HECW1: variants seen among roughly 807,000 people sequenced by gnomAD.
HECW1 encodes E3 ubiquitin-protein ligase HECW1.
Under a neutral mutation model 182.3 loss-of-function variants are expected in HECW1, and 61 were observed. That is an observed-to-expected ratio of 0.33 (90% CI 0.27 to 0.41). The LOEUF is 0.41. Among genes scored for constraint, HECW1 ranks in the 10% least tolerant of loss-of-function variants. HECW1 has a pLI of 1.00. For synonymous variants in HECW1, 859 were observed against 832.6 expected (o/e 1.03, Z -0.55); for missense variants, 1,739 against 2,108.9 (o/e 0.82, Z 3.44).
At chr7:43,466,921 T>C (rs717486) in intron 15 of HECW1, among the ~76,000 whole-genome samples, 24,808 of 152,272 alleles carry the variant, frequency 0.16, 2,573 homozygotes, top group Non-Finnish European at 0.22. Context: ...TCATTTTCAC[T>C]GATACAATTT....
rs1216179031 is a variant in HECW1, at chr7:43,407,647, C to T, written c.717C>T (p.Ser239=). 3 of 1,613,498 alleles carry T rather than the reference C, an allele frequency of 1.9e-6. No homozygotes were observed. Among genetic ancestry groups the T allele is most frequent in the Non-Finnish European group, 2.5e-6 (3 of 1,179,556 alleles). ...LKISIQPGKH[S]IFPALPHHGQ... is the part of the protein sequence containing the mutation. ...TTTCCATTCAGCCTGGGAAACACAG[C>T]ATCTTCCCCGCCCTCCCTCACCATG... is the stretch of plus-strand genomic sequence containing the variant. The change falls in exon 8 of 30, where the codon AGC becomes AGT. Residue 239 remains serine (S), a synonymous_variant. Coordinates refer to ENST00000395891, the MANE Select transcript of HECW1 (RefSeq NM_015052.5).
At chr7:43,544,937 G>A (rs2081498701) in intron 26 of HECW1, among the ~76,000 whole-genome samples, 1 of 152,222 alleles carries the variant, frequency 6.6e-6, no homozygotes, top group African/African-American at 2.4e-5. Flanking sequence ...GTGAAGAACA[G>A]TGTGTAAAAC....
At chr7:43,139,060 G>A (rs936530117) in intron 2 of HECW1, among the ~76,000 whole-genome samples, 2 of 152,058 alleles carry the variant, frequency 1.3e-5, no homozygotes, top group African/African-American at 4.8e-5. Context: ...CACATCCTTC[G>A]TGCCATTTTA....
chr7:43,533,622 G>A (rs2152949006), intron 24 of HECW1, among the ~76,000 whole-genome samples: 1 of 152,188 alleles, frequency 6.6e-6, no homozygotes, highest in South Asian at 2.1e-4. Flanking sequence ...ATGCCATAGT[G>A]GTTAGAAGAG....
At chr7:43,341,431 T>A (rs1319819923) in intron 5 of HECW1, among the ~76,000 whole-genome samples, 1 of 151,846 alleles carries the variant, frequency 6.6e-6, no homozygotes, top group Non-Finnish European at 1.5e-5. Flanking sequence ...ACATGGGATT[T>A]ATTCTTCTAA....
intron 2 of HECW1, among the ~76,000 whole-genome samples, chr7:43,191,667 G>T (rs1451416484): frequency 6.6e-6 from 1 of 152,086 alleles, no homozygotes; most frequent in Non-Finnish European, 1.5e-5. Flanking sequence ...TCATTCTCGG[G>T]ACTTAACACA....
chr7:43,130,704 G>C (rs907980079), intron 2 of HECW1, among the ~76,000 whole-genome samples: 3 of 152,186 alleles, frequency 2.0e-5, no homozygotes, highest in African/African-American at 7.2e-5. Context: ...AACATCAGCA[G>C]GCTGGATCAA....
At chr7:43,401,148 A>G (rs2075391674) in intron 7 of HECW1, among the ~76,000 whole-genome samples, 1 of 152,212 alleles carries the variant, frequency 6.6e-6, no homozygotes, top group Non-Finnish European at 1.5e-5. Flanking sequence ...TTAGGATGTG[A>G]ACATCTTTGT....
At chr7:43,188,707 T>C (rs1793630719) in intron 2 of HECW1, among the ~76,000 whole-genome samples, 1 of 152,202 alleles carries the variant, frequency 6.6e-6, no homozygotes, top group Non-Finnish European at 1.5e-5. Flanking sequence ...TGACACATGT[T>C]ACTTTGGGTC....
intron 6 of HECW1, among the ~76,000 whole-genome samples, chr7:43,374,536 A>G (rs2074245041): frequency 8.5e-6 from 1 of 117,872 alleles, no homozygotes; most frequent in African/African-American, 4.4e-5. Flanking sequence ...GCACTTTGGG[A>G]GGCCGAGGCG....
In HECW1 at chr7:43,371,487, A is replaced by T. The variant is rs557477375; in HGVS notation, c.555+10507A>T. ...AAATAAATGAAAGGCTATTTTTTTA[A>T]ATGCTCCAATCAGAAAGCAAAAATT... On this transcript the variant is annotated intron_variant, in intron 6 of 29. Transcript: ENST00000395891. Among the ~76,000 whole-genome samples, 16 of 152,256 alleles carry T rather than the reference A, an allele frequency of 1.1e-4. No individual in the cohort carries two copies. In the South Asian group the frequency reaches 3.3e-3, roughly 32 times the overall value.
intron 24 of HECW1, among the ~76,000 whole-genome samples, chr7:43,538,147 T>C (rs1051113844): frequency 4.6e-5 from 7 of 152,174 alleles, no homozygotes; most frequent in African/African-American, 1.7e-4. Context: ...TAGACCTAGG[T>C]CAGAGGGAGT....
intron 5 of HECW1, among the ~76,000 whole-genome samples, chr7:43,338,374 T>G (rs1386719169): frequency 6.6e-6 from 1 of 152,198 alleles, no homozygotes; most frequent in Non-Finnish European, 1.5e-5. Flanking sequence ...TTTATTTTAT[T>G]AGTCTTTTCA....
rs148120174 is a variant in HECW1, at chr7:43,448,270, G to A, written c.2399-2558G>A. On this transcript the variant is annotated intron_variant, in intron 11 of 29. Transcript: ENST00000395891. ...CTAAGTCTGAACTGACAACTATACA[G>A]GCTAGTATTCTTTTCATACTTTTTG... is the stretch of plus-strand genomic sequence containing the variant. 3.1e-3 allele frequency among the ~76,000 whole-genome samples: 468 copies of A among 152,258 alleles called. 6 individuals carry two copies. The highest frequency in any genetic ancestry group is 0.027 in the Admixed American group (415 of 15,300).
chr7:43,350,071 C>T lies in HECW1; in HGVS notation c.461-10815C>T, dbSNP rs532553365. 9.9e-5 allele frequency among the ~76,000 whole-genome samples: 15 copies of T among 152,278 alleles called. No homozygotes were observed. In the South Asian group the frequency reaches 1.9e-3, roughly 19 times the overall value. ...AGTGGTGGTTTGGTAATGGCAAATT[C>T]TCTCAGCATTTGTTTGTCTGAAAGA... On this transcript the variant is annotated intron_variant, in intron 5 of 29. Transcript: ENST00000395891.
chr7:43,538,407 A>G (rs2081254209), intron 24 of HECW1, among the ~76,000 whole-genome samples: 1 of 152,204 alleles, frequency 6.6e-6, no homozygotes, highest in Non-Finnish European at 1.5e-5. Flanking sequence ...TAATTAGCAC[A>G]AGAGATGTTG....
intron 17 of HECW1, among the ~76,000 whole-genome samples, chr7:43,483,401 G>C (rs1258788236): frequency 6.6e-6 from 1 of 151,828 alleles, no homozygotes; most frequent in East Asian, 1.9e-4. Flanking sequence ...CAGCCCCCCA[G>C]CATTTCCACA....
At chr7:43,351,641 T>C (rs1814464637) in intron 5 of HECW1, among the ~76,000 whole-genome samples, 2 of 152,076 alleles carry the variant, frequency 1.3e-5, no homozygotes, top group Admixed American at 1.3e-4. Context: ...ATTCTATGTA[T>C]CTGCCTTTTC....
At chr7:43,204,585 AGAAACACAAAGCT>A (rs1467259055) in intron 2 of HECW1, among the ~76,000 whole-genome samples, 3 of 152,212 alleles carry the variant, frequency 2.0e-5, no homozygotes, top group African/African-American at 7.2e-5. Flanking sequence ...GAATTGTCAA[AGAAACACAAAGCT>A]GAACACTAGT....
Sources: allele counts gnomAD v4.1 joint callset (sites outside exome capture counted in the v4.1 genomes callset), GRCh38; gene constraint gnomAD v4.1.1; transcripts MANE v1.5; gene names NCBI Gene and HGNC (gene_info 2026-07-23, HGNC 2026-07-21).